Variants in CDC42EP5 observed in about 807,000 individuals in gnomAD.
CDC42EP5 encodes CDC42 effector protein (Rho GTPase binding) 5.
For missense variants in CDC42EP5, 269 were observed against 238.0 expected (o/e 1.13, Z -0.86); for synonymous variants, 118 against 123.3 (o/e 0.96, Z 0.28).
At chr19:54,466,966 T>C (rs1453117730) in intron 2 of CDC42EP5, among the ~76,000 whole-genome samples, 2 of 149,724 alleles carry the variant, frequency 1.3e-5, no homozygotes, top group African/African-American at 2.4e-5. Context: ...CTAATTTTTG[T>C]ATTTTTAGTA....
chr19:54,471,357 G>A (rs1342757512), intron 2 of CDC42EP5, 188 bp downstream of exon 2: 2 of 152,132 alleles, frequency 1.3e-5, no homozygotes, highest in African/African-American at 4.8e-5. Flanking sequence ...TCTAGATCCG[G>A]CCCAACTGGT....
In CDC42EP5 at chr19:54,471,704, T is replaced by C. The variant is rs1236998584; in HGVS notation, c.-141-19A>G. 1 of 152,888 alleles carries C rather than the reference T, an allele frequency of 6.5e-6. No individual in the cohort carries two copies. The highest frequency in any genetic ancestry group is 1.5e-5 in the Non-Finnish European group (1 of 68,518). 9.5% of individuals were successfully genotyped at this position (152,888 alleles called of 1,614,324 possible). A position where few individuals can be genotyped will look rare whatever the true frequency, so the allele number is the denominator to read the frequency against. ...TTCTCACCTGGTAAGGAAAGTGTCA[T>C]GTGGAACCCGGAGGGAGATTCAGGA... On this transcript the variant is annotated intron_variant, in intron 1 of 2. Transcript: ENST00000301200.
chr19:54,465,576 G>A, intron 2 of CDC42EP5, 29 bp from the exon 3 acceptor site: 1 of 1,441,438 alleles, frequency 6.9e-7, no homozygotes, highest in Non-Finnish European at 9.0e-7. Flanking sequence ...GGTCAGCGCG[G>A]CCCCAGCCCG....
At position 54,465,275 on chromosome 19, in the gene CDC42EP5, GA is replaced by G; in HGVS notation, c.272del (p.Phe91SerfsTer52). 7.4e-7 allele frequency: 1 copy of G among 1,344,476 alleles called. No individual in the cohort carries two copies. The highest frequency in any genetic ancestry group is 3.4e-5 in the Admixed American group (1 of 29,258). 83.3% of individuals were successfully genotyped at this position (1,344,476 alleles called of 1,614,324 possible). ...APSPADPLLS[F>X]HLDLGPSMLD... ...GCATGGAGGGCCCCAGATCCAGGTG[GA>G]AGGACAGCAGCGGGTCGGCAGGCGA... On this transcript the variant is annotated frameshift_variant, in exon 3 of 3. Coordinates refer to ENST00000301200, the MANE Select transcript of CDC42EP5 (RefSeq NM_145057.4). LOFTEE classifies it low-confidence loss of function (END_TRUNC).
intron 1 of CDC42EP5, among the ~76,000 whole-genome samples, chr19:54,472,656 C>A (rs1402189631): frequency 6.6e-5 from 2 of 30,502 alleles, no homozygotes; most frequent in Non-Finnish European, 1.2e-4. Context: ...GGAGTCCAGG[C>A]CCCCATCCCC....
chr19:54,468,634 C>T (rs879670257), intron 2 of CDC42EP5, among the ~76,000 whole-genome samples: 20 of 152,142 alleles, frequency 1.3e-4, no homozygotes, highest in African/African-American at 4.8e-4. Context: ...ACCTCCGCCT[C>T]CCGGACTCAA....
rs752217646 is a variant in CDC42EP5, at chr19:54,465,430, C to T, written c.118G>A (p.Gly40Ser). Residue 40 changes from glycine (G) to serine (S), a missense_variant, in exon 3 of 3, where the codon GGC becomes AGC. Transcript: ENST00000301200. ...FRHTLHVGRG[G>S]DAFGDTSFLS... Reference sequence around the variant, plus strand: ...AACGAGGTGTCCCCGAAGGCGTCGCCGCCGCGCCCCACGTGCAGCGTGTGC... The same window carrying T: ...AACGAGGTGTCCCCGAAGGCGTCGCTGCCGCGCCCCACGTGCAGCGTGTGC... 1.3e-6 allele frequency: 2 copies of T among 1,481,720 alleles called. No individual in the cohort carries two copies. The highest frequency in any genetic ancestry group is 1.3e-5 in the South Asian group (1 of 79,222). The allele number at this position is 1,481,720 out of a possible 1,614,324, so 91.8% of individuals were successfully genotyped here. A position where few individuals can be genotyped will look rare whatever the true frequency, so the allele number is the denominator to read the frequency against.
Position 54,465,519 on chromosome 19 carries a change from G to T in CDC42EP5, c.29C>A (p.Ala10Glu). 1 of 1,536,962 alleles carries T rather than the reference G, an allele frequency of 6.5e-7. No homozygotes were observed. The highest frequency in any genetic ancestry group is 8.7e-7 in the Non-Finnish European group (1 of 1,153,856). The change falls in exon 3 of 3, where the codon GCG becomes GAG. Residue 10 changes from alanine (A) to glutamate (E), a missense_variant. Ala to Glu is a moderately radical substitution (Grantham distance 107). Coordinates refer to ENST00000301200, the MANE Select transcript of CDC42EP5 (RefSeq NM_145057.4). ...GCGATCAGGCCGCTTCTTGGGCTGC[G>T]CGGGGCCCAGCTGCTTCAGCACGGG... Reference protein sequence around the residue: MPVLKQLGPAQPKKRPDRGA... With the variant: MPVLKQLGPEQPKKRPDRGA...
rs1491162621 is a variant in CDC42EP5 at position 54,468,922 on chromosome 19, T to TC, written c.-1+2622dup. On this transcript the variant is annotated intron_variant, in intron 2 of 2. Coordinates refer to ENST00000301200, the MANE Select transcript of CDC42EP5 (RefSeq NM_145057.4). ...TTCCTTCCTTCCTTCCTTCCTTCCT[T>TC]CTTTCTTTCTTTTCTTCCCTCCCTC... Among the ~76,000 whole-genome samples, 1,453 of 148,448 alleles carry TC rather than the reference T, an allele frequency of 9.8e-3. 34 individuals carry two copies. Among genetic ancestry groups the TC allele is most frequent in the African/African-American group, 0.032 (1,297 of 40,158 alleles).
chr19:54,465,403 G>A lies in CDC42EP5; in HGVS notation c.145C>T (p.Leu49=). Residue 49 remains leucine (L), a synonymous_variant, in exon 3 of 3, where the codon CTG becomes TTG. Transcript: ENST00000301200. ...GGCGGCCCGCCGCCGTGGCGGCTCA[G>A]GAACGAGGTGTCCCCGAAGGCGTCG... ...GGDAFGDTSF[L]SRHGGGPPPE... 7.3e-7 allele frequency: 1 copy of A among 1,365,194 alleles called. No individual in the cohort carries two copies. Among genetic ancestry groups the A allele is most frequent in the East Asian group, 3.2e-5 (1 of 31,454 alleles). The allele number at this position is 1,365,194 out of a possible 1,614,324, so 84.6% of individuals were successfully genotyped here.
intron 1 of CDC42EP5, 83 bp from the exon 2 acceptor site, chr19:54,471,768 C>A (rs752010710): frequency 5.1e-5 from 8 of 157,932 alleles, no homozygotes; most frequent in African/African-American, 7.2e-5. Flanking sequence ...TCCTCCTTCG[C>A]CCTCAGGTCC....
At chr19:54,467,474 A>G (rs1362615259) in intron 2 of CDC42EP5, among the ~76,000 whole-genome samples, 1 of 151,530 alleles carries the variant, frequency 6.6e-6, no homozygotes, top group Non-Finnish European at 1.5e-5. Context: ...AAAAAGCCCT[A>G]TGTTAAAAAA....
intron 2 of CDC42EP5, among the ~76,000 whole-genome samples, chr19:54,468,637 G>A (rs141884223): frequency 1.6e-3 from 237 of 150,798 alleles, no homozygotes; most frequent in African/African-American, 5.3e-3. Context: ...TCCGCCTCCC[G>A]GACTCAAGCG....
At chr19:54,466,933 C>T (rs971609845) in intron 2 of CDC42EP5, among the ~76,000 whole-genome samples, 15 of 131,138 alleles carry the variant, frequency 1.1e-4, no homozygotes, top group East Asian at 4.8e-4. Flanking sequence ...TGTACCTGAT[C>T]TTTTTTTTTT....
In CDC42EP5 at chr19:54,465,193, G is replaced by T; in HGVS notation, c.355C>A (p.Pro119Thr). ...GTCCCGGGGCGGGGTTCCGCGTCGG[G>T]CTTGGCGGCAGCCGCCTCCGGGCGC... ...AARPEAAAAK[P>T]DAEPRPGTQP... Residue 119 changes from proline to threonine, a missense_variant, in exon 3 of 3, where the codon CCC becomes ACC. Pro to Thr is a conservative substitution (Grantham distance 38, BLOSUM62 -1). Transcript: ENST00000301200. 7.0e-7 allele frequency: 1 copy of T among 1,438,092 alleles called. No individual in the cohort carries two copies. 89.1% of individuals were successfully genotyped at this position (1,438,092 alleles called of 1,614,324 possible). A position where few individuals can be genotyped will look rare whatever the true frequency, so the allele number is the denominator to read the frequency against.
chr19:54,467,992 C>T (rs1398838767), intron 2 of CDC42EP5, among the ~76,000 whole-genome samples: 1 of 152,166 alleles, frequency 6.6e-6, no homozygotes, highest in African/African-American at 2.4e-5. Flanking sequence ...CTACCCTTTG[C>T]CAGCTGTATG....
chr19:54,466,930 G>T (rs2123288177), intron 2 of CDC42EP5, among the ~76,000 whole-genome samples: 1 of 106,292 alleles, frequency 9.4e-6, no homozygotes. Flanking sequence ...AACTGTACCT[G>T]ATCTTTTTTT....
intron 2 of CDC42EP5, among the ~76,000 whole-genome samples, chr19:54,470,499 G>A (rs1783373341): frequency 6.8e-6 from 1 of 146,888 alleles, no homozygotes; most frequent in South Asian, 2.2e-4. Flanking sequence ...GAAAGGAAAG[G>A]AAGGAGAAAG....
chr19:54,468,920 C>CTTCTTTCT (rs144128477), intron 2 of CDC42EP5, among the ~76,000 whole-genome samples: 5 of 123,904 alleles, frequency 4.0e-5, no homozygotes, highest in East Asian at 3.1e-4. Flanking sequence ...TCCTTCCTTC[C>CTTCTTTCT]TTCTTTCTTT....
Sources: allele counts gnomAD v4.1 joint callset (sites outside exome capture counted in the v4.1 genomes callset), GRCh38; gene constraint gnomAD v4.1.1; transcripts MANE v1.5; gene names NCBI Gene and HGNC (gene_info 2026-07-23, HGNC 2026-07-21).